Variants in HYAL4 observed in about 807,000 individuals in gnomAD.
The protein encoded by HYAL4 is hyaluronidase 4.
In HYAL4, 37 loss-of-function variants were observed where a neutral mutation model predicts 35.2. The ratio of observed to expected loss-of-function variants is 1.05; its 90% CI spans 0.81 to 1.38. HYAL4 has a LOEUF of 1.38. Ranked by LOEUF, HYAL4 falls within the 40% of genes most tolerant of loss-of-function variation. HYAL4 has a pLI of 0.00. For synonymous variants in HYAL4, 198 were observed against 203.2 expected, an observed-to-expected ratio of 0.97 and a Z score of 0.22; for missense variants, 572 against 572.4, an observed-to-expected ratio of 1.00 and a Z score of 0.01.
the HYAL4 span, among the ~76,000 whole-genome samples, chr7:123,822,170 A>T: frequency 6.6e-6 from 1 of 151,852 alleles, no homozygotes; most frequent in South Asian, 2.1e-4. Context: ...TTTGTTTTCT[A>T]TTTCTGTAAA....
At chr7:123,865,917 G>A (rs1806676123) in intron 2 of HYAL4, among the ~76,000 whole-genome samples, 1 of 152,168 alleles carries the variant, frequency 6.6e-6, no homozygotes, top group Admixed American at 6.5e-5. Flanking sequence ...TGAAGGAGGA[G>A]CAAAATCACA....
chr7:123,772,680 A>C, the HYAL4 span, among the ~76,000 whole-genome samples: 1 of 152,304 alleles, frequency 6.6e-6, no homozygotes. Context: ...GTGGTGTAGA[A>C]ATTGTGACTT....
chr7:123,839,616 T>A (rs994139341), intron 1 of HYAL4, among the ~76,000 whole-genome samples: 4 of 152,146 alleles, frequency 2.6e-5, no homozygotes, highest in Non-Finnish European at 5.9e-5. Context: ...GTAAAAGCAT[T>A]CCTATTTGTC....
chr7:123,801,048 C>G, the HYAL4 span, among the ~76,000 whole-genome samples: 2 of 152,080 alleles, frequency 1.3e-5, no homozygotes, highest in Non-Finnish European at 2.9e-5. Flanking sequence ...GGCTTGGTGG[C>G]TCACTTCTGT....
the HYAL4 span, among the ~76,000 whole-genome samples, chr7:123,780,527 C>T: frequency 1.3e-5 from 2 of 152,050 alleles, no homozygotes; most frequent in African/African-American, 2.4e-5. Flanking sequence ...AGTATAGCTC[C>T]CTTAGAATCA....
intron 2 of HYAL4, among the ~76,000 whole-genome samples, chr7:123,867,940 T>C (rs1806730344): frequency 6.6e-6 from 1 of 152,248 alleles, no homozygotes; most frequent in Non-Finnish European, 1.5e-5. Flanking sequence ...TTCACATCTT[T>C]ATCTGATCAT....
chr7:123,796,632 C>CCAA, the HYAL4 span, among the ~76,000 whole-genome samples: 1 of 152,088 alleles, frequency 6.6e-6, no homozygotes. Context: ...AAAACTTGTA[C>CCAA]ACTAATGTTT....
At chr7:123,795,206 T>A in the HYAL4 span, among the ~76,000 whole-genome samples, 4 of 152,244 alleles carry the variant, frequency 2.6e-5, no homozygotes, top group African/African-American at 9.6e-5. Context: ...TGTACCCCCA[T>A]TGTATCTAGG....
At chr7:123,872,021 T>C (rs550690989) in intron 3 of HYAL4, among the ~76,000 whole-genome samples, 19 of 152,330 alleles carry the variant, frequency 1.2e-4, no homozygotes, top group South Asian at 6.2e-4. Flanking sequence ...TTCATTTTTA[T>C]ACATTTACAG....
At chr7:123,857,661 C>CTTTCTTTGTTTG (rs761753757) in intron 2 of HYAL4, among the ~76,000 whole-genome samples, 3 of 88,326 alleles carry the variant, frequency 3.4e-5, no homozygotes, top group African/African-American at 7.9e-5. Context: ...TTGTTTCTTT[C>CTTTCTTTGTTTG]TTTGTTTGTT....
chr7:123,773,593 T>C, the HYAL4 span, among the ~76,000 whole-genome samples: 5 of 152,224 alleles, frequency 3.3e-5, no homozygotes, highest in African/African-American at 9.6e-5. Context: ...TTTTTTTACA[T>C]GGTATTAGCT....
chr7:123,793,785 G>A, the HYAL4 span, among the ~76,000 whole-genome samples: 188 of 152,278 alleles, frequency 1.2e-3, 4 homozygotes, highest in South Asian at 0.038. Flanking sequence ...AGCAACATGA[G>A]AATGGACTAA....
chr7:123,791,775 A>G, the HYAL4 span, among the ~76,000 whole-genome samples: 3 of 152,172 alleles, frequency 2.0e-5, no homozygotes, highest in Non-Finnish European at 2.9e-5. Context: ...AACTTCCTCA[A>G]AATTCCTCTC....
At chr7:123,800,750 G>C in the HYAL4 span, among the ~76,000 whole-genome samples, 2 of 151,470 alleles carry the variant, frequency 1.3e-5, no homozygotes, top group African/African-American at 4.9e-5. Flanking sequence ...TCTGCCTCTC[G>C]GGTTCAAACG....
At chr7:123,867,302 GGAA>G (rs796720780) in intron 2 of HYAL4, among the ~76,000 whole-genome samples, 7 of 152,226 alleles carry the variant, frequency 4.6e-5, no homozygotes, top group African/African-American at 1.7e-4. Context: ...TATAAAGTAG[GGAA>G]GAAAAGTAAC....
At chr7:123,800,814 G>T in the HYAL4 span, among the ~76,000 whole-genome samples, 16 of 149,134 alleles carry the variant, frequency 1.1e-4, no homozygotes, top group South Asian at 3.4e-3. Flanking sequence ...GCGTCACCAC[G>T]CTGGCTAATT....
the HYAL4 span, chr7:123,819,435 G>A: frequency 6.6e-6 from 1 of 152,544 alleles, no homozygotes; most frequent in Admixed American, 6.6e-5. Flanking sequence ...TCAAAGGTAA[G>A]CAATGATTTC....
At chr7:123,843,554 G>A (rs569334778), upstream of HYAL4, among the ~76,000 whole-genome samples, 1 of 152,052 alleles carries the variant, frequency 6.6e-6, no homozygotes, top group African/African-American at 2.4e-5. Flanking sequence ...GCCTTGCTGT[G>A]TTGGGGAAGT....
chr7:123,839,602 C>G (rs1806020723), intron 1 of HYAL4, among the ~76,000 whole-genome samples: 1 of 152,184 alleles, frequency 6.6e-6, no homozygotes, highest in African/African-American at 2.4e-5. Context: ...CTTCCACCAA[C>G]AGTGTAAAAG....
Sources: allele counts gnomAD v4.1 joint callset (sites outside exome capture counted in the v4.1 genomes callset), GRCh38; gene constraint gnomAD v4.1.1; transcripts MANE v1.5; gene names NCBI Gene and HGNC (gene_info 2026-07-23, HGNC 2026-07-21).